ZNF442: variants seen among roughly 807,000 people sequenced by gnomAD.
ZNF442 encodes zinc finger protein 442.
Under a neutral mutation model 57.0 loss-of-function variants are expected in ZNF442, and 45 were observed. That is an observed-to-expected ratio of 0.79 (90% CI 0.62 to 1.01). The LOEUF is 1.01. ZNF442 is among the 50% of genes least tolerant of loss of function. The probability of loss-of-function intolerance (pLI) is 0.00; values close to 1 mark genes in which losing one functional copy is unlikely to be tolerated. For missense variants in ZNF442, 690 were observed against 756.5 expected (o/e 0.91, Z 1.03); for synonymous variants, 213 against 241.8 (o/e 0.88, Z 1.10).
intron 1 of ZNF442, 74 bp downstream of exon 1, chr19:12,365,459 C>T: frequency 2.7e-6 from 1 of 376,682 alleles, no homozygotes; most frequent in Non-Finnish European, 5.0e-6. Context: ...CGCCCGGGTC[C>T]CGCCACAGCC....
upstream of ZNF442, among the ~76,000 whole-genome samples, chr19:12,368,040 T>C (rs1344428749): frequency 6.6e-6 from 1 of 152,192 alleles, no homozygotes; most frequent in East Asian, 1.9e-4. Flanking sequence ...TGTCCGTCTA[T>C]AGGCTCTCTG....
chr19:12,363,641 T>C lies in ZNF442; in HGVS notation c.-10A>G, dbSNP rs1304327284. On this transcript the variant is annotated 5_prime_UTR_variant, in exon 3 of 6. Coordinates refer to ENST00000242804, the MANE Select transcript of ZNF442 (RefSeq NM_030824.3). ...CCCCAAATACAATCATTCAACTGGC[T>C]GACCAGCCGTGTGTCCCCAAGGAAT... 6.8e-6 allele frequency: 11 copies of C among 1,613,442 alleles called. No individual in the cohort carries two copies. The highest frequency in any genetic ancestry group is 9.3e-6 in the Non-Finnish European group (11 of 1,179,452).
intron 2 of ZNF442, among the ~76,000 whole-genome samples, 176 bp downstream of exon 2, chr19:12,364,626 G>C (rs1215104149): frequency 1.3e-5 from 2 of 151,984 alleles, no homozygotes. Flanking sequence ...TAGAATGAGG[G>C]AACAGGGTAG....
intron 3 of ZNF442, among the ~76,000 whole-genome samples, chr19:12,361,558 G>A (rs1159017183): frequency 6.6e-6 from 1 of 152,076 alleles, no homozygotes; most frequent in Non-Finnish European, 1.5e-5. Context: ...TAGTCATACT[G>A]TCACTGTTAA....
upstream of ZNF442, among the ~76,000 whole-genome samples, chr19:12,367,487 C>T (rs1187843283): frequency 6.6e-6 from 1 of 152,106 alleles, no homozygotes; most frequent in Non-Finnish European, 1.5e-5. Context: ...AGCAGACAAC[C>T]AGTCTGACTA....
chr19:12,352,481 C>A (rs928371966), intron 4 of ZNF442, among the ~76,000 whole-genome samples: 2 of 152,140 alleles, frequency 1.3e-5, no homozygotes, highest in Non-Finnish European at 2.9e-5. Flanking sequence ...GCTGGGATTA[C>A]AGGCGTGAGC....
chr19:12,351,159 TG>T lies in ZNF442; in HGVS notation c.425del (p.Pro142GlnfsTer59), dbSNP rs1173375755. ...TCTCTCCATATTCCTGACACTCATC[TG>T]GTTTGTGTCCAGCATCAAATGTGAT... ...CYITFDAGHK[P>X]DECQEYGEKP... On this transcript the variant is annotated frameshift_variant, in exon 6 of 6. Transcript: ENST00000242804. LOFTEE classifies it high-confidence loss of function. The T allele has an allele frequency of 6.2e-7, 1 of 1,614,170 alleles. No individual in the cohort carries two copies. The highest frequency in any genetic ancestry group is 1.1e-5 in the South Asian group (1 of 91,084).
intron 3 of ZNF442, among the ~76,000 whole-genome samples, chr19:12,354,862 C>A (rs1203314297): frequency 6.6e-6 from 1 of 152,210 alleles, no homozygotes; most frequent in Non-Finnish European, 1.5e-5. Flanking sequence ...ATACGTATGA[C>A]AGACAATATA....
chr19:12,354,119 A>T (rs868177260), intron 3 of ZNF442, among the ~76,000 whole-genome samples: 52 of 152,180 alleles, frequency 3.4e-4, no homozygotes, highest in African/African-American at 1.2e-3. Flanking sequence ...ACAAAGAAAC[A>T]CTCTGGGCAC....
At position 12,360,705 on chromosome 19, in the gene ZNF442, T is replaced by G. The variant is rs1008337263; in HGVS notation, c.78+2849A>C. On this transcript the variant is annotated intron_variant, in intron 3 of 5. Transcript: ENST00000242804. ...GATTCTCCTGCCTCAGCCTCCCAAG[T>G]AGCTGCGACTTCAGGTGTGGGCCAC... Among the ~76,000 whole-genome samples the G allele has an allele frequency of 5.3e-5, 8 of 152,182 alleles. 1 individual carries two copies. Among genetic ancestry groups the G allele is most frequent in the Admixed American group, 5.2e-4 (8 of 15,282 alleles).
upstream of ZNF442, among the ~76,000 whole-genome samples, chr19:12,367,658 AATT>A (rs1304298837): frequency 6.6e-6 from 1 of 151,222 alleles, no homozygotes; most frequent in South Asian, 2.1e-4. Flanking sequence ...CCAGGGTCTC[AATT>A]ATTATTATTA....
chr19:12,355,303 A>AAAG (rs1428384299), intron 3 of ZNF442, among the ~76,000 whole-genome samples: 1 of 151,260 alleles, frequency 6.6e-6, no homozygotes, highest in African/African-American at 2.4e-5. Context: ...AAAAAAAAAA[A>AAAG]AAAGAAAGAC....
upstream of ZNF442, among the ~76,000 whole-genome samples, chr19:12,367,198 G>A (rs1159421316): frequency 6.6e-6 from 1 of 152,188 alleles, no homozygotes; most frequent in Non-Finnish European, 1.5e-5. Flanking sequence ...AAGAGAAAGA[G>A]TACAAAGAGA....
chr19:12,356,420 G>T (rs751718774), intron 3 of ZNF442, among the ~76,000 whole-genome samples: 3 of 152,026 alleles, frequency 2.0e-5, no homozygotes, highest in Non-Finnish European at 2.9e-5. Context: ...CTGAGGTTGG[G>T]AGTTCAAAAA....
chr19:12,368,061 A>T (rs1969552751), upstream of ZNF442, among the ~76,000 whole-genome samples: 1 of 152,182 alleles, frequency 6.6e-6, no homozygotes, highest in Non-Finnish European at 1.5e-5. Context: ...CAAGAAGAAA[A>T]ATATGGCTTT....
Position 12,350,090 on chromosome 19 carries a change from A to G in ZNF442, c.1495T>C (p.Cys499Arg), listed in dbSNP as rs1247659924. 16 of 1,613,800 alleles carry G rather than the reference A, an allele frequency of 9.9e-6. No homozygotes were observed. ...ECKECGKAFS[C>R]FTYLSQHRRT... is the part of the protein sequence containing the mutation. ...CTATGTTGAGAAAGGTATGTGAAAC[A>G]ACTGAATGCTTTCCCACATTCCTTA... Residue 499 changes from cysteine to arginine, a missense_variant, in exon 6 of 6, where the codon TGT (cysteine) becomes CGT (arginine). Cys to Arg is a radical substitution (Grantham distance 180, BLOSUM62 -3). Coordinates refer to ENST00000242804, the MANE Select transcript of ZNF442 (RefSeq NM_030824.3).
At chr19:12,373,162 T>A in the ZNF442 span, among the ~76,000 whole-genome samples, 1 of 152,194 alleles carries the variant, frequency 6.6e-6, no homozygotes, top group East Asian at 1.9e-4. Flanking sequence ...TGTATTAATA[T>A]GTATATCCAT....
intron 3 of ZNF442, among the ~76,000 whole-genome samples, chr19:12,363,218 TCTAA>T (rs372227021): frequency 1.8e-4 from 26 of 147,614 alleles, no homozygotes; most frequent in African/African-American, 6.5e-4. Flanking sequence ...TTTTCTGAAA[TCTAA>T]CTATTTCTGG....
intron 3 of ZNF442, among the ~76,000 whole-genome samples, chr19:12,354,242 G>A (rs1288268957): frequency 6.6e-6 from 1 of 152,116 alleles, no homozygotes; most frequent in Middle Eastern, 3.2e-3. Flanking sequence ...ACATTTAGAA[G>A]CCAGCAACAG....
Sources: allele counts gnomAD v4.1 joint callset (sites outside exome capture counted in the v4.1 genomes callset), GRCh38; gene constraint gnomAD v4.1.1; transcripts MANE v1.5; gene names NCBI Gene and HGNC (gene_info 2026-07-23, HGNC 2026-07-21).